The following KALRN variants were observed in gnomAD, a reference collection of about 807,000 sequenced individuals.
KALRN encodes kalirin.
Under a neutral mutation model 353.7 loss-of-function variants are expected in KALRN, and 70 were observed. That is an observed-to-expected ratio of 0.20 (90% CI 0.16 to 0.24). KALRN has a LOEUF of 0.24. KALRN is among the 10% of genes least tolerant of loss of function. The pLI, the probability that KALRN is intolerant of heterozygous loss-of-function variation, is 1.00. For synonymous variants in KALRN, 1,391 were observed against 1,434.8 expected (o/e 0.97, Z 0.69); for missense variants, 2,791 against 3,756.7 (o/e 0.74, Z 6.72).
chr3:124,176,303 A>G (rs1343116993), intron 1 of KALRN, among the ~76,000 whole-genome samples: 2 of 152,154 alleles, frequency 1.3e-5, no homozygotes, highest in African/African-American at 4.8e-5. Flanking sequence ...GAAGCCCCGC[A>G]GTAGTAGTTG....
intron 1 of KALRN, among the ~76,000 whole-genome samples, chr3:124,078,636 C>T (rs1339682879): frequency 6.6e-6 from 1 of 152,038 alleles, no homozygotes; most frequent in African/African-American, 2.4e-5. Flanking sequence ...CCTAACATCT[C>T]GAGGGCTTGC....
intron 12 of KALRN, among the ~76,000 whole-genome samples, chr3:124,397,756 A>G (rs60165893): frequency 0.014 from 2,115 of 152,254 alleles, 37 homozygotes; most frequent in African/African-American, 0.047. Context: ...TGCTCAGAGG[A>G]GGCTGCACCC....
chr3:124,560,090 G>A (rs1043543552), intron 33 of KALRN, among the ~76,000 whole-genome samples: 1 of 152,240 alleles, frequency 6.6e-6, no homozygotes, highest in Non-Finnish European at 1.5e-5. Flanking sequence ...AGAGACAGAA[G>A]CCTGATTTTT....
At chr3:124,090,787 C>T (rs944742898) in intron 1 of KALRN, among the ~76,000 whole-genome samples, 6 of 152,188 alleles carry the variant, frequency 3.9e-5, no homozygotes, top group African/African-American at 1.4e-4. Context: ...GTTAAAAATG[C>T]AGGCCTCTGG....
intron 34 of KALRN, among the ~76,000 whole-genome samples, chr3:124,619,208 T>G (rs1170064400): frequency 6.6e-6 from 1 of 152,122 alleles, no homozygotes; most frequent in African/African-American, 2.4e-5. Flanking sequence ...CTTAACATAG[T>G]GCCTTCCAGG....
chr3:124,120,267 G>T (rs2063840536), intron 1 of KALRN, among the ~76,000 whole-genome samples: 1 of 152,174 alleles, frequency 6.6e-6, no homozygotes, highest in African/African-American at 2.4e-5. Context: ...TCCAGTGTGG[G>T]TCACATGATG....
chr3:124,598,037 G>A (rs549794025), intron 34 of KALRN, among the ~76,000 whole-genome samples: 1 of 152,332 alleles, frequency 6.6e-6, no homozygotes, highest in African/African-American at 2.4e-5. Flanking sequence ...GGAGGGCCAA[G>A]GACCCCAGTG....
intron 9 of KALRN, among the ~76,000 whole-genome samples, chr3:124,338,368 T>C (rs1302992812): frequency 6.6e-6 from 1 of 152,218 alleles, no homozygotes; most frequent in Non-Finnish European, 1.5e-5. Flanking sequence ...AGAACTTCTT[T>C]ATTTCTGCCT....
At chr3:124,344,475 C>G (rs1376918239) in intron 9 of KALRN, among the ~76,000 whole-genome samples, 1 of 152,202 alleles carries the variant, frequency 6.6e-6, no homozygotes, top group Non-Finnish European at 1.5e-5. Context: ...GCAATGATGG[C>G]TCTAAATGAA....
chr3:124,682,923 T>C (rs72966691), intron 51 of KALRN, among the ~76,000 whole-genome samples: 201 of 152,286 alleles, frequency 1.3e-3, no homozygotes, highest in African/African-American at 4.8e-3. Context: ...CACTGCAAGA[T>C]TGGCTCTAGG....
chr3:124,047,311 T>C (rs1269125213), intron 1 of KALRN, among the ~76,000 whole-genome samples: 2 of 152,178 alleles, frequency 1.3e-5, no homozygotes, highest in African/African-American at 4.8e-5. Flanking sequence ...GAAAAGTTTA[T>C]AGTCTTGTTG....
intron 17 of KALRN, among the ~76,000 whole-genome samples, chr3:124,435,832 A>C (rs186747845): frequency 3.0e-4 from 45 of 152,350 alleles, no homozygotes; most frequent in Middle Eastern, 3.4e-3. Flanking sequence ...TGTAGAAATT[A>C]ATACATTGAT....
At chr3:124,157,708 A>G (rs948335611) in intron 1 of KALRN, among the ~76,000 whole-genome samples, 3 of 152,210 alleles carry the variant, frequency 2.0e-5, no homozygotes, top group Non-Finnish European at 2.9e-5. Flanking sequence ...AAGGAAAACC[A>G]TCTGCAGGAG....
intron 1 of KALRN, among the ~76,000 whole-genome samples, chr3:124,106,959 T>C (rs1474827034): frequency 6.6e-6 from 1 of 152,180 alleles, no homozygotes; most frequent in Non-Finnish European, 1.5e-5. Context: ...CAGGATTGCA[T>C]TTCTCTATCC....
intron 1 of KALRN, among the ~76,000 whole-genome samples, chr3:124,108,904 C>G (rs2062572227): frequency 6.6e-6 from 1 of 152,140 alleles, no homozygotes; most frequent in South Asian, 2.1e-4. Context: ...TAATTGGTGG[C>G]TACTTTATTC....
At chr3:124,540,059 G>T (rs775436427) in intron 33 of KALRN, among the ~76,000 whole-genome samples, 11 of 151,958 alleles carry the variant, frequency 7.2e-5, no homozygotes, top group Non-Finnish European at 1.3e-4. Context: ...ACAGGTGCCT[G>T]CCACCACACC....
intron 1 of KALRN, among the ~76,000 whole-genome samples, chr3:124,161,482 G>C: frequency 6.6e-6 from 1 of 152,184 alleles, no homozygotes; most frequent in East Asian, 1.9e-4. Flanking sequence ...TGCCTTCAAG[G>C]TTGTTCTCCT....
At chr3:124,561,429 T>A (rs2109839876) in intron 33 of KALRN, among the ~76,000 whole-genome samples, 1 of 152,360 alleles carries the variant, frequency 6.6e-6, no homozygotes, top group Middle Eastern at 3.4e-3. Context: ...ATCAGTCTGA[T>A]GCATTATTTT....
chr3:124,219,334 C>T (rs1467057406), intron 1 of KALRN, among the ~76,000 whole-genome samples: 2 of 152,168 alleles, frequency 1.3e-5, no homozygotes, highest in East Asian at 3.8e-4. Flanking sequence ...GGTGATTGAG[C>T]AGTTAGGGCA....
Sources: allele counts gnomAD v4.1 joint callset (sites outside exome capture counted in the v4.1 genomes callset), GRCh38; gene constraint gnomAD v4.1.1; transcripts MANE v1.5; gene names NCBI Gene and HGNC (gene_info 2026-07-23, HGNC 2026-07-21).